The following DPP6 variants were observed in gnomAD, a reference collection of about 807,000 sequenced individuals.
DPP6 encodes A-type potassium channel modulatory protein DPP6.
DPP6 carries 69 observed loss-of-function variants against 122.6 expected under a neutral mutation model. The ratio of observed to expected loss-of-function variants is 0.56; its 90% CI spans 0.46 to 0.69. DPP6 has a LOEUF of 0.69. Among genes scored for constraint, DPP6 ranks in the 30% least tolerant of loss-of-function variants. The pLI is 0.00. For synonymous variants in DPP6, 418 were observed against 433.1 expected, an observed-to-expected ratio of 0.97 and a Z score of 0.43; for missense variants, 928 against 1,116.9, an observed-to-expected ratio of 0.83 and a Z score of 2.41.
At chr7:154,170,877 G>A (rs1453777473) in intron 1 of DPP6, among the ~76,000 whole-genome samples, 2 of 152,166 alleles carry the variant, frequency 1.3e-5, no homozygotes, top group Non-Finnish European at 2.9e-5. Context: ...TTCACGGTAG[G>A]AGATGGGTCT....
At chr7:153,940,437 G>C (rs1226814116) in intron 1 of DPP6, among the ~76,000 whole-genome samples, 1 of 152,148 alleles carries the variant, frequency 6.6e-6, no homozygotes, top group Non-Finnish European at 1.5e-5. Context: ...AATAGACTAA[G>C]AATTACTTGT....
At chr7:153,757,994 G>T in the DPP6 span, among the ~76,000 whole-genome samples, 1 of 152,128 alleles carries the variant, frequency 6.6e-6, no homozygotes, top group African/African-American at 2.4e-5. Flanking sequence ...ACCATAGGCA[G>T]AGTGTTTGCT....
At chr7:154,210,664 G>C (rs1056068835) in intron 1 of DPP6, among the ~76,000 whole-genome samples, 4 of 152,082 alleles carry the variant, frequency 2.6e-5, no homozygotes, top group Non-Finnish European at 5.9e-5. Context: ...CCAGGCACCT[G>C]GACGAGCCCT....
chr7:154,599,987 G>C (rs1316882342), intron 5 of DPP6, among the ~76,000 whole-genome samples: 2 of 152,026 alleles, frequency 1.3e-5, no homozygotes, highest in Non-Finnish European at 2.9e-5. Flanking sequence ...TTCTCCATAA[G>C]GTCTATCCTT....
chr7:154,055,313 A>G (rs1257202397), intron 1 of DPP6, among the ~76,000 whole-genome samples: 1 of 132,704 alleles, frequency 7.5e-6, no homozygotes, highest in Non-Finnish European at 1.6e-5. Context: ...AAAAACAACA[A>G]CAAACTTTTA....
At chr7:154,102,963 C>T (rs1805859336) in intron 1 of DPP6, among the ~76,000 whole-genome samples, 1 of 152,076 alleles carries the variant, frequency 6.6e-6, no homozygotes, top group African/African-American at 2.4e-5. Context: ...CCTCTGAGGG[C>T]CTGGGGTAAT....
intron 1 of DPP6, among the ~76,000 whole-genome samples, chr7:153,929,517 G>T (rs1412482204): frequency 6.6e-6 from 1 of 152,100 alleles, no homozygotes; most frequent in Non-Finnish European, 1.5e-5. Flanking sequence ...TCAGCAACTA[G>T]ATGATGTTTA....
chr7:153,848,778 G>C, the DPP6 span, among the ~76,000 whole-genome samples: 1 of 152,044 alleles, frequency 6.6e-6, no homozygotes, highest in Non-Finnish European at 1.5e-5. Flanking sequence ...ATCCTTTAAG[G>C]TTTAATTTTT....
intron 1 of DPP6, among the ~76,000 whole-genome samples, chr7:154,231,789 C>T (rs1800933516): frequency 6.6e-6 from 1 of 152,192 alleles, no homozygotes; most frequent in Admixed American, 6.5e-5. Context: ...CAGGAAACAG[C>T]CACCACTGCG....
the DPP6 span, among the ~76,000 whole-genome samples, chr7:153,787,699 G>A: frequency 0.039 from 5,929 of 150,372 alleles, 165 homozygotes; most frequent in Middle Eastern, 0.072. Context: ...GAGTCCAGGA[G>A]GTTAAGGCTG....
rs1210607946 is a variant in DPP6 at position 154,176,005 on chromosome 7, T to G, written c.243+122942T>G. The stretch of plus-strand genomic sequence containing the variant: ...GCCCAGCCAGAGGCTGGCTTTTTTT[T>G]GCTTCAAATGCTTTATGACCAAAAC... On this transcript the variant is annotated intron_variant, in intron 1 of 25. Coordinates refer to ENST00000377770, the MANE Select transcript of DPP6 (RefSeq NM_130797.4). Among the ~76,000 whole-genome samples, 4 of 152,206 alleles carry G rather than the reference T, an allele frequency of 2.6e-5. No homozygotes were observed. The East Asian group carries it at 5.8e-4, about 22-fold the overall frequency.
intron 1 of DPP6, among the ~76,000 whole-genome samples, chr7:153,968,501 T>G (rs1795865232): frequency 6.6e-6 from 1 of 152,004 alleles, no homozygotes; most frequent in African/African-American, 2.4e-5. Flanking sequence ...TATTTTGGTT[T>G]TTAGCATATC....
the DPP6 span, among the ~76,000 whole-genome samples, chr7:153,809,117 A>C: frequency 3.3e-5 from 5 of 151,828 alleles, no homozygotes; most frequent in East Asian, 9.6e-4. Context: ...GTCACATTGC[A>C]GTTTTGATTT....
At chr7:154,675,517 T>C (rs4960723) in intron 7 of DPP6, among the ~76,000 whole-genome samples, 147,613 of 152,276 alleles carry the variant, frequency 0.97, 71,702 homozygotes, top group East Asian at 1. Context: ...GGTCACAAGC[T>C]AGCTTAGTGC....
chr7:154,858,257 C>T (rs1272839313), intron 17 of DPP6: 2 of 152,268 alleles, frequency 1.3e-5, no homozygotes, highest in Non-Finnish European at 2.9e-5. Context: ...ATTATCCCCA[C>T]TTGTCAGCTA....
chr7:154,349,039 G>A (rs531178271), intron 1 of DPP6, among the ~76,000 whole-genome samples: 1 of 152,306 alleles, frequency 6.6e-6, no homozygotes, highest in South Asian at 2.1e-4. Context: ...TTCCAACTGG[G>A]CAGAGGATGG....
At chr7:154,127,473 C>T (rs1465182219) in intron 1 of DPP6, among the ~76,000 whole-genome samples, 2 of 152,214 alleles carry the variant, frequency 1.3e-5, no homozygotes, top group East Asian at 3.9e-4. Flanking sequence ...TGGAGCTGAG[C>T]TGCTTGCTGT....
At chr7:153,861,209 TAAC>T in the DPP6 span, among the ~76,000 whole-genome samples, 1 of 152,180 alleles carries the variant, frequency 6.6e-6, no homozygotes, top group Admixed American at 6.5e-5. Flanking sequence ...TTGTAAATAA[TAAC>T]AGTTATCACA....
chr7:154,631,687 G>A (rs1227367000), intron 5 of DPP6, among the ~76,000 whole-genome samples: 5 of 151,964 alleles, frequency 3.3e-5, no homozygotes, highest in Admixed American at 2.6e-4. Flanking sequence ...AAAAAAGGAA[G>A]GAGCAGTTCC....
Sources: gnomAD v4.1 joint callset for allele counts (sites outside exome capture counted in the v4.1 genomes callset) on GRCh38, gnomAD v4.1.1 for gene constraint, MANE v1.5 for transcripts, NCBI Gene and HGNC (gene_info 2026-07-23, HGNC 2026-07-21) for gene names.